RIMS2: variants seen among roughly 807,000 people sequenced by gnomAD.
The protein encoded by RIMS2 is regulating synaptic membrane exocytosis 2.
A neutral mutation model predicts 174.4 loss-of-function variants in RIMS2; 59 were observed. The observed-to-expected ratio is 0.34, with a 90% CI of 0.27 to 0.42. The LOEUF is 0.42. Among genes scored for constraint, RIMS2 ranks in the 10% least tolerant of loss-of-function variants. RIMS2 has a pLI of 1.00. For synonymous variants in RIMS2, 606 were observed against 572.5 expected (o/e 1.06, Z -0.84); for missense variants, 1,620 against 1,666.3 (o/e 0.97, Z 0.48).
intron 1 of RIMS2, among the ~76,000 whole-genome samples, chr8:103,572,278 G>A (rs1053196214): frequency 6.6e-6 from 1 of 152,218 alleles, no homozygotes; most frequent in East Asian, 1.9e-4. Flanking sequence ...CAGCATGGAA[G>A]GGGACCTGAG....
At chr8:103,698,968 C>T (rs1224416190) in intron 2 of RIMS2, among the ~76,000 whole-genome samples, 2 of 151,816 alleles carry the variant, frequency 1.3e-5, no homozygotes, top group Non-Finnish European at 2.9e-5. Flanking sequence ...CCAGTGAAGC[C>T]ATGTGGGCAT....
At chr8:104,058,396 G>A (rs1314497134) in intron 19 of RIMS2, among the ~76,000 whole-genome samples, 14 of 149,878 alleles carry the variant, frequency 9.3e-5, no homozygotes, top group South Asian at 2.1e-4. Flanking sequence ...CATATCCTTC[G>A]CCCACTTTTT....
intron 1 of RIMS2, among the ~76,000 whole-genome samples, chr8:103,573,090 C>T (rs1019337059): frequency 7.2e-5 from 11 of 151,828 alleles, no homozygotes; most frequent in African/African-American, 2.2e-4. Flanking sequence ...GATAGAGTCT[C>T]GCTCTGTTGT....
chr8:103,700,883 T>G (rs913792451), intron 2 of RIMS2, among the ~76,000 whole-genome samples: 1 of 152,108 alleles, frequency 6.6e-6, no homozygotes, highest in African/African-American at 2.4e-5. Context: ...TCATGTGTAT[T>G]ATAAGAAGCT....
At chr8:104,228,621 A>C (rs2099204821) in intron 19 of RIMS2, among the ~76,000 whole-genome samples, 2 of 152,186 alleles carry the variant, frequency 1.3e-5, no homozygotes, top group African/African-American at 4.8e-5. Context: ...ATATCAGTAT[A>C]ACTGACTGCC....
At chr8:103,849,590 A>G (rs2098986503) in intron 3 of RIMS2, among the ~76,000 whole-genome samples, 1 of 151,976 alleles carries the variant, frequency 6.6e-6, no homozygotes, top group South Asian at 2.1e-4. Flanking sequence ...GTATCGCCAT[A>G]TCAGTAGGTC....
chr8:103,931,691 C>T (rs2079980589), intron 12 of RIMS2, among the ~76,000 whole-genome samples: 1 of 151,848 alleles, frequency 6.6e-6, no homozygotes, highest in African/African-American at 2.4e-5. Context: ...ATTTTTAACA[C>T]AAATTATAGA....
chr8:103,899,690 G>T (rs2099316177), intron 4 of RIMS2, among the ~76,000 whole-genome samples: 2 of 151,400 alleles, frequency 1.3e-5, no homozygotes, highest in South Asian at 4.2e-4. Context: ...TCTGATGGTA[G>T]TTTCTTTTGC....
intron 19 of RIMS2, among the ~76,000 whole-genome samples, chr8:104,085,835 G>A (rs1431651969): frequency 6.6e-6 from 1 of 152,020 alleles, no homozygotes; most frequent in Non-Finnish European, 1.5e-5. Flanking sequence ...GCTGGTTTAG[G>A]GTGAAAGAAT....
At chr8:104,198,461 G>A (rs573578756) in intron 19 of RIMS2, among the ~76,000 whole-genome samples, 6 of 152,180 alleles carry the variant, frequency 3.9e-5, no homozygotes, top group African/African-American at 7.2e-5. Context: ...ACAAAAGACA[G>A]AGGCAAGGAA....
intron 1 of RIMS2, among the ~76,000 whole-genome samples, chr8:103,619,548 ATCT>A (rs1016126515): frequency 1.3e-5 from 2 of 152,138 alleles, no homozygotes; most frequent in African/African-American, 4.8e-5. Flanking sequence ...GCAGAAAAAA[ATCT>A]TCTGCATTCA....
intron 19 of RIMS2, among the ~76,000 whole-genome samples, chr8:104,080,116 T>C (rs1041849954): frequency 1.3e-5 from 2 of 152,050 alleles, no homozygotes; most frequent in Non-Finnish European, 2.9e-5. Context: ...ATGAGAAGAT[T>C]GGGCTTCTAA....
At chr8:103,952,264 G>A (rs915278840) in intron 14 of RIMS2, among the ~76,000 whole-genome samples, 1 of 152,182 alleles carries the variant, frequency 6.6e-6, no homozygotes, top group South Asian at 2.1e-4. Flanking sequence ...CTCCGATAAG[G>A]GACAGACTGC....
intron 19 of RIMS2, among the ~76,000 whole-genome samples, chr8:104,204,803 C>A (rs1459437336): frequency 1.3e-5 from 2 of 152,120 alleles, no homozygotes; most frequent in African/African-American, 4.8e-5. Flanking sequence ...CAGATTACAA[C>A]CCCTCTATAA....
intron 19 of RIMS2, among the ~76,000 whole-genome samples, chr8:104,118,378 T>TTTTTTG (rs2098316608): frequency 3.1e-5 from 3 of 98,220 alleles, no homozygotes; most frequent in Admixed American, 9.3e-5. Flanking sequence ...TTGTTTTTTT[T>TTTTTTG]TTTTTTGAGA....
At chr8:104,247,174 G>C (rs1333214625) in intron 20 of RIMS2, among the ~76,000 whole-genome samples, 3 of 152,082 alleles carry the variant, frequency 2.0e-5, no homozygotes, top group Non-Finnish European at 4.4e-5. Context: ...ATTTGATGTG[G>C]GTAATGAGAG....
intron 1 of RIMS2, among the ~76,000 whole-genome samples, chr8:103,552,777 T>A (rs1265831409): frequency 6.6e-6 from 1 of 152,098 alleles, no homozygotes; most frequent in East Asian, 1.9e-4. Context: ...CATCAAAAAG[T>A]GGGCAAAGGA....
intron 19 of RIMS2, among the ~76,000 whole-genome samples, chr8:104,033,788 T>G (rs1306493425): frequency 6.6e-6 from 1 of 152,110 alleles, no homozygotes; most frequent in African/African-American, 2.4e-5. Flanking sequence ...AAAAGGAAAT[T>G]GGGATATTTA....
At position 104,228,024 on chromosome 8, in the gene RIMS2, CTTTTTTT is replaced by C. The variant is rs1004772231; in HGVS notation, c.3335-16880_3335-16874del. On this transcript the variant is annotated intron_variant, in intron 19 of 23. Transcript: ENST00000504942. ...GCCTCACTCTTTGTGTGTTTCTTTT[CTTTTTTT>C]TTTTTTTTTTTCTTTGAGACAGAGT... 1.9e-4 allele frequency among the ~76,000 whole-genome samples: 26 copies of C among 133,574 alleles called. No individual in the cohort carries two copies. The South Asian group carries it at 2.2e-3, about 11-fold the overall frequency. 87.6% of individuals were successfully genotyped at this position (133,574 alleles called of 152,430 possible). A position where few individuals can be genotyped will look rare whatever the true frequency, so the allele number is the denominator to read the frequency against.
Sources: allele counts gnomAD v4.1 joint callset (sites outside exome capture counted in the v4.1 genomes callset), GRCh38; gene constraint gnomAD v4.1.1; transcripts MANE v1.5; gene names NCBI Gene and HGNC (gene_info 2026-07-23, HGNC 2026-07-21).